Variants in RFX3 observed in about 807,000 individuals in gnomAD.
The protein encoded by RFX3 is transcription factor RFX3.
Under a neutral mutation model 98.6 loss-of-function variants are expected in RFX3, and 14 were observed. The ratio of observed to expected loss-of-function variants is 0.14; its 90% CI spans 0.09 to 0.22. The LOEUF (loss-of-function observed/expected upper bound fraction) is 0.22, where lower values mean the gene tolerates loss of function less well. Among genes scored for constraint, RFX3 ranks in the 10% least tolerant of loss-of-function variants. The probability of loss-of-function intolerance (pLI) is 1.00; values close to 1 mark genes in which losing one functional copy is unlikely to be tolerated. For synonymous variants in RFX3, 383 were observed against 328.4 expected, an observed-to-expected ratio of 1.17 and a Z score of -1.80; for missense variants, 639 against 926.9, an observed-to-expected ratio of 0.69 and a Z score of 4.03.
chr9:3,277,791 C>G (rs527887053), intron 7 of RFX3, among the ~76,000 whole-genome samples: 1 of 152,012 alleles, frequency 6.6e-6, no homozygotes, highest in South Asian at 2.1e-4. Context: ...TTGAAAGTAA[C>G]TTTTAATGGT....
At chr9:3,446,054 G>T (rs891887864) in intron 1 of RFX3, among the ~76,000 whole-genome samples, 1 of 152,050 alleles carries the variant, frequency 6.6e-6, no homozygotes, top group South Asian at 2.1e-4. Context: ...CTCAAAGACA[G>T]TTACTCATCC....
intron 2 of RFX3, among the ~76,000 whole-genome samples, chr9:3,351,791 G>A (rs1835166611): frequency 6.6e-6 from 1 of 151,444 alleles, no homozygotes; most frequent in Admixed American, 6.6e-5. Flanking sequence ...ATTACCAAAG[G>A]GATTATATTA....
intron 15 of RFX3, among the ~76,000 whole-genome samples, chr9:3,241,877 A>T (rs541342339): frequency 3.3e-5 from 5 of 152,306 alleles, no homozygotes; most frequent in African/African-American, 9.6e-5. Context: ...AGGGGAAAAG[A>T]TGGCAAGCGT....
At chr9:3,418,582 G>A (rs576358313) in intron 1 of RFX3, among the ~76,000 whole-genome samples, 1 of 152,096 alleles carries the variant, frequency 6.6e-6, no homozygotes. Flanking sequence ...GTTTCACCAA[G>A]TTGGCCAGGC....
chr9:3,254,286 AC>A (rs1294920078), intron 14 of RFX3, among the ~76,000 whole-genome samples: 1 of 151,548 alleles, frequency 6.6e-6, no homozygotes, highest in Admixed American at 6.6e-5. Context: ...AAAAAAAAAA[AC>A]CAACCACAGG....
At chr9:3,295,804 C>T (rs1827916634) in intron 5 of RFX3, among the ~76,000 whole-genome samples, 1 of 151,814 alleles carries the variant, frequency 6.6e-6, no homozygotes. Context: ...ATTTAAAGGG[C>T]ATTTTTTTAA....
chr9:3,406,434 T>C (rs1473759471), intron 1 of RFX3, among the ~76,000 whole-genome samples: 2 of 152,096 alleles, frequency 1.3e-5, no homozygotes, highest in African/African-American at 4.8e-5. Context: ...CCGAATCTAG[T>C]GTCCTCCTGG....
chr9:3,408,762 A>G (rs1842204677), intron 1 of RFX3, among the ~76,000 whole-genome samples: 1 of 152,248 alleles, frequency 6.6e-6, no homozygotes, highest in East Asian at 1.9e-4. Context: ...AATGGCTCCA[A>G]CTTGGCTTAT....
chr9:3,524,258 A>C (rs1463264828), intron 1 of RFX3, among the ~76,000 whole-genome samples: 4 of 152,182 alleles, frequency 2.6e-5, no homozygotes, highest in Non-Finnish European at 4.4e-5. Flanking sequence ...GGATCTGTAA[A>C]ACTGGGTTAA....
chr9:3,293,343 A>C lies in RFX3; in HGVS notation c.550-85T>G, dbSNP rs745694515. ...AGACACTGCAAATGCAACATACAGA[A>C]ATACTTAGAAGTTCTTCATCAAGTC... On this transcript the variant is annotated intron_variant, in intron 5 of 16. Transcript: ENST00000617270. 329 of 945,036 alleles carry C rather than the reference A, an allele frequency of 3.5e-4. 1 individual carries two copies. Among genetic ancestry groups the C allele is most frequent in the Middle Eastern group, 3.1e-3 (14 of 4,488 alleles). The allele number at this position is 945,036 out of a possible 1,614,324, so 58.5% of individuals were successfully genotyped here.
At chr9:3,310,641 T>A (rs1025485687) in intron 4 of RFX3, among the ~76,000 whole-genome samples, 9 of 152,142 alleles carry the variant, frequency 5.9e-5, no homozygotes, top group Admixed American at 5.2e-4. Flanking sequence ...CTTTGTAAAA[T>A]AGTAAAGGTA....
chr9:3,373,100 T>C (rs1838045816), intron 2 of RFX3, among the ~76,000 whole-genome samples: 2 of 152,158 alleles, frequency 1.3e-5, no homozygotes, highest in Non-Finnish European at 1.5e-5. Flanking sequence ...TGAATACTAC[T>C]CCCTATTTTT....
chr9:3,248,313 T>C, intron 14 of RFX3, 128 bp from the exon 15 acceptor site: 2 of 1,178,678 alleles, frequency 1.7e-6, no homozygotes, highest in Non-Finnish European at 2.3e-6. Flanking sequence ...AAACCTGCCA[T>C]GAAAGCATTT....
intron 2 of RFX3, among the ~76,000 whole-genome samples, chr9:3,391,126 A>G (rs1480702101): frequency 2.0e-5 from 3 of 152,204 alleles, no homozygotes; most frequent in Admixed American, 6.5e-5. Flanking sequence ...GGTCAGTAAC[A>G]AAAGCTGGAA....
At chr9:3,473,963 C>A in intron 1 of RFX3, among the ~76,000 whole-genome samples, 1 of 152,060 alleles carries the variant, frequency 6.6e-6, no homozygotes. Context: ...GAAAATGTAG[C>A]ATGGAAGCCA....
chr9:3,470,375 T>C (rs1278365695), intron 1 of RFX3, among the ~76,000 whole-genome samples: 1 of 151,044 alleles, frequency 6.6e-6, no homozygotes, highest in African/African-American at 2.4e-5. Flanking sequence ...AGTGCAGTGG[T>C]GCGATCTTGA....
intron 1 of RFX3, among the ~76,000 whole-genome samples, chr9:3,437,481 G>C (rs1368943415): frequency 6.6e-6 from 1 of 152,068 alleles, no homozygotes; most frequent in Non-Finnish European, 1.5e-5. Flanking sequence ...CTAGAAACTA[G>C]AGGTGCTTTA....
chr9:3,424,429 T>C (rs1347727109), intron 1 of RFX3, among the ~76,000 whole-genome samples: 4 of 132,040 alleles, frequency 3.0e-5, no homozygotes, highest in Non-Finnish European at 6.2e-5. Context: ...TGGCGCGATC[T>C]CGACTCACTG....
At chr9:3,445,447 G>A (rs551471956) in intron 1 of RFX3, among the ~76,000 whole-genome samples, 2 of 152,190 alleles carry the variant, frequency 1.3e-5, no homozygotes, top group African/African-American at 4.8e-5. Flanking sequence ...AAATATCTCA[G>A]GGTGAGTGAA....
Sources: gnomAD v4.1 joint callset for allele counts (sites outside exome capture counted in the v4.1 genomes callset) on GRCh38, gnomAD v4.1.1 for gene constraint, MANE v1.5 for transcripts, NCBI Gene and HGNC (gene_info 2026-07-23, HGNC 2026-07-21) for gene names.